ELOVL7: variants seen among roughly 807,000 people sequenced by gnomAD.
ELOVL7 encodes the protein ELOVL fatty acid elongase 7.
A neutral mutation model predicts 35.7 loss-of-function variants in ELOVL7; 27 were observed. That is an observed-to-expected ratio of 0.76 (90% CI 0.56 to 1.04). The LOEUF is 1.04. ELOVL7 is among the 50% of genes least tolerant of loss of function. The probability of loss-of-function intolerance (pLI) is 0.00; values close to 1 mark genes in which losing one functional copy is unlikely to be tolerated. For synonymous variants in ELOVL7, 113 were observed against 114.6 expected (o/e 0.99, Z 0.09); for missense variants, 327 against 340.8 (o/e 0.96, Z 0.32).
At chr5:60,785,510 G>A (rs910034848) in intron 3 of ELOVL7, among the ~76,000 whole-genome samples, 2 of 152,108 alleles carry the variant, frequency 1.3e-5, no homozygotes, top group African/African-American at 4.8e-5. Flanking sequence ...TCAAGAATTG[G>A]ATACCAAGAG....
intron 1 of ELOVL7, among the ~76,000 whole-genome samples, chr5:60,815,631 G>A (rs1263368647): frequency 4.0e-5 from 6 of 151,564 alleles, no homozygotes; most frequent in Non-Finnish European, 8.8e-5. Context: ...GCAATGGCAC[G>A]ATCTCAGCTC....
intron 4 of ELOVL7, among the ~76,000 whole-genome samples, chr5:60,770,785 C>G (rs1292755262): frequency 2.0e-5 from 3 of 152,170 alleles, no homozygotes; most frequent in Non-Finnish European, 4.4e-5. Flanking sequence ...GCAGCCTTGA[C>G]CTCCCAGGCT....
At chr5:60,789,955 C>T (rs976614940) in intron 2 of ELOVL7, among the ~76,000 whole-genome samples, 45 of 152,020 alleles carry the variant, frequency 3.0e-4, no homozygotes, top group African/African-American at 9.9e-4. Context: ...CTGGCCAACA[C>T]GGTGAAACCC....
intron 1 of ELOVL7, among the ~76,000 whole-genome samples, chr5:60,839,277 G>A (rs1460022786): frequency 6.6e-6 from 1 of 152,096 alleles, no homozygotes; most frequent in Non-Finnish European, 1.5e-5. Context: ...AACCTGGGAG[G>A]CAGAGGTTGC....
chr5:60,806,292 T>C (rs1744920761), intron 1 of ELOVL7, among the ~76,000 whole-genome samples: 1 of 152,238 alleles, frequency 6.6e-6, no homozygotes, highest in Admixed American at 6.5e-5. Flanking sequence ...TGGCACTTTA[T>C]TACAGCAGCT....
At chr5:60,781,040 T>C (rs1743219584) in intron 3 of ELOVL7, among the ~76,000 whole-genome samples, 1 of 152,024 alleles carries the variant, frequency 6.6e-6, no homozygotes, top group African/African-American at 2.4e-5. Flanking sequence ...TGAAACCCTG[T>C]CTCTACGAAA....
chr5:60,781,274 A>G (rs1391475917), intron 3 of ELOVL7, among the ~76,000 whole-genome samples: 1 of 151,918 alleles, frequency 6.6e-6, no homozygotes, highest in African/African-American at 2.4e-5. Context: ...AGGATGTTAC[A>G]TCACCACCTT....
chr5:60,764,170 T>C, intron 7 of ELOVL7, 57 bp downstream of exon 7: 2 of 1,141,018 alleles, frequency 1.8e-6, no homozygotes, highest in Non-Finnish European at 2.6e-6. Flanking sequence ...AAATATTTTG[T>C]TTTTAGCATA....
At chr5:60,815,471 T>G (rs1231888546) in intron 1 of ELOVL7, among the ~76,000 whole-genome samples, 2 of 148,410 alleles carry the variant, frequency 1.3e-5, no homozygotes, top group Non-Finnish European at 3.0e-5. Flanking sequence ...CTACCTTTGC[T>G]TAACCCTTTC....
At chr5:60,755,112 CAG>C (rs1741459513) in intron 8 of ELOVL7, among the ~76,000 whole-genome samples, 1 of 152,190 alleles carries the variant, frequency 6.6e-6, no homozygotes, top group Non-Finnish European at 1.5e-5. Flanking sequence ...TTTTACTACT[CAG>C]AGAATCAACA....
intron 2 of ELOVL7, among the ~76,000 whole-genome samples, chr5:60,798,601 T>G (rs1744406778): frequency 6.6e-6 from 1 of 152,198 alleles, no homozygotes; most frequent in South Asian, 2.1e-4. Context: ...AGTCAAAAAC[T>G]GTCACAAGAG....
intron 2 of ELOVL7, among the ~76,000 whole-genome samples, chr5:60,792,222 A>G (rs1480693502): frequency 6.6e-6 from 1 of 152,082 alleles, no homozygotes; most frequent in Non-Finnish European, 1.5e-5. Flanking sequence ...CTCTCTCACT[A>G]ATCCACTGCT....
chr5:60,764,364 G>A, intron 6 of ELOVL7, 32 bp from the exon 7 acceptor site: 1 of 1,506,726 alleles, frequency 6.6e-7, no homozygotes, highest in South Asian at 1.1e-5. Flanking sequence ...CAAGTTCACA[G>A]AAAATCATTT....
rs1741999612 is a variant in ELOVL7, at chr5:60,762,683, G to A, written c.499+1544C>T. Among the ~76,000 whole-genome samples, 3 of 152,150 alleles carry A rather than the reference G, an allele frequency of 2.0e-5. No homozygotes were observed. In the South Asian group the frequency reaches 6.2e-4, roughly 31 times the overall value. ...ATCAGAATAAATAAATTATAAGGATGTGAAAGCACCTTTTCTAGCATACTT... is the reference window on the plus strand; with the variant it reads ...ATCAGAATAAATAAATTATAAGGATATGAAAGCACCTTTTCTAGCATACTT... On this transcript the variant is annotated intron_variant, in intron 7 of 8. Coordinates refer to ENST00000508821, the MANE Select transcript of ELOVL7 (RefSeq NM_024930.3).
chr5:60,761,695 T>C (rs749118703), intron 7 of ELOVL7, among the ~76,000 whole-genome samples: 1 of 152,154 alleles, frequency 6.6e-6, no homozygotes, highest in African/African-American at 2.4e-5. Flanking sequence ...AAGCTGATCG[T>C]AGCAGAATTG....
rs756187498 is a variant in ELOVL7 at position 60,772,052 on chromosome 5, G to A, written c.106C>T (p.Pro36Ser). ...TAGAATCCTAGGAGGATGGTTTGTG[G>A]CAGAGGCGAGGACATGAGGAGCCAA... Reference protein sequence around the residue: ...EDWLLMSSPLPQTILLGFYVY... With the variant: ...EDWLLMSSPLSQTILLGFYVY... The change falls in exon 4 of 9, where the codon CCA becomes TCA. Residue 36 changes from proline to serine, a missense_variant. By Grantham distance (74) the Pro-to-Ser change is moderately conservative (BLOSUM62 -1). Transcript: ENST00000508821. The A allele has an allele frequency of 3.4e-5, 55 of 1,613,046 alleles. No individual in the cohort carries two copies. In the Admixed American group the frequency reaches 9.0e-4, roughly 26 times the overall value.
intron 7 of ELOVL7, among the ~76,000 whole-genome samples, 191 bp downstream of exon 7, chr5:60,764,034 TAA>T (rs1742080639): frequency 6.6e-6 from 1 of 152,180 alleles, no homozygotes; most frequent in Non-Finnish European, 1.5e-5. Flanking sequence ...TATGTATATC[TAA>T]AGAGTGGGGT....
At chr5:60,806,283 G>A (rs2112303538) in intron 1 of ELOVL7, among the ~76,000 whole-genome samples, 1 of 152,280 alleles carries the variant, frequency 6.6e-6, no homozygotes, top group Non-Finnish European at 1.5e-5. Context: ...CCTAGTTTAT[G>A]GCACTTTATT....
chr5:60,771,360 G>A lies in ELOVL7; in HGVS notation c.255+543C>T, dbSNP rs1742578886. On this transcript the variant is annotated intron_variant, in intron 4 of 8. Transcript: ENST00000508821. ...CAGTAATGAATTAATGAGTTAATGG[G>A]AAAAAAATTAAGGAACAGGCTCCCT... is the stretch of plus-strand genomic sequence containing the variant. 1.3e-5 allele frequency among the ~76,000 whole-genome samples: 2 copies of A among 152,068 alleles called. 1 individual carries two copies. The highest frequency in any genetic ancestry group is 4.1e-4 in the South Asian group (2 of 4,828).
Sources: allele counts gnomAD v4.1 joint callset (sites outside exome capture counted in the v4.1 genomes callset), GRCh38; gene constraint gnomAD v4.1.1; transcripts MANE v1.5; gene names NCBI Gene and HGNC (gene_info 2026-07-23, HGNC 2026-07-21).